LINGO2: variants seen among roughly 807,000 people sequenced by gnomAD.
The protein encoded by LINGO2 is leucine rich repeat and Ig domain containing 2.
A neutral mutation model predicts 30.6 loss-of-function variants in LINGO2; 14 were observed. The ratio of observed to expected loss-of-function variants is 0.46; its 90% confidence interval spans 0.30 to 0.72. The LOEUF (loss-of-function observed/expected upper bound fraction) is 0.72, where lower values mean the gene tolerates loss of function less well. Ranked by LOEUF, LINGO2 falls within the 30% of genes least tolerant of loss-of-function variation. LINGO2 has a pLI of 0.07. For missense variants in LINGO2, 729 were observed against 751.7 expected (o/e 0.97, Z 0.35); for synonymous variants, 317 against 288.5 (o/e 1.10, Z -1.00).
At chr9:28,002,066 A>G (rs1167280543) in intron 5 of LINGO2, among the ~76,000 whole-genome samples, 1 of 152,236 alleles carries the variant, frequency 6.6e-6, no homozygotes, top group African/African-American at 2.4e-5. Context: ...CACAAGTCAC[A>G]GCACTCAGAT....
the LINGO2 span, among the ~76,000 whole-genome samples, chr9:29,003,049 A>C: frequency 6.4e-3 from 980 of 152,140 alleles, 13 homozygotes; most frequent in African/African-American, 0.023. Flanking sequence ...CACTACGTGA[A>C]AATACGGATA....
intron 2 of LINGO2, among the ~76,000 whole-genome samples, chr9:28,379,390 A>G (rs1821253651): frequency 6.6e-6 from 1 of 152,116 alleles, no homozygotes. Context: ...CTAGGAAAGT[A>G]GAGTGGTGTG....
the LINGO2 span, among the ~76,000 whole-genome samples, chr9:29,047,792 A>G: frequency 6.6e-6 from 1 of 152,196 alleles, no homozygotes; most frequent in Non-Finnish European, 1.5e-5. Context: ...ATACAAAATC[A>G]ACATACAAAA....
chr9:28,984,875 TTTTAAA>T, the LINGO2 span, among the ~76,000 whole-genome samples: 35 of 152,088 alleles, frequency 2.3e-4, no homozygotes, highest in Non-Finnish European at 1.2e-4. Context: ...AGTGAGAACA[TTTTAAA>T]TTTATTCTCC....
chr9:28,847,799 TATA>T, the LINGO2 span, among the ~76,000 whole-genome samples: 1 of 38,298 alleles, frequency 2.6e-5, no homozygotes, highest in East Asian at 5.6e-4. Context: ...CACATATATG[TATA>T]GTATATATGT....
intron 4 of LINGO2, among the ~76,000 whole-genome samples, chr9:28,032,295 T>C (rs1278855650): frequency 6.6e-6 from 1 of 152,146 alleles, no homozygotes; most frequent in Non-Finnish European, 1.5e-5. Flanking sequence ...TGTTGCTCTA[T>C]TATGAAAGCG....
chr9:28,392,151 C>T lies in LINGO2; in HGVS notation c.-278-19283G>A, dbSNP rs1045635588. Among the ~76,000 whole-genome samples the T allele has an allele frequency of 6.6e-5, 10 of 152,248 alleles. No homozygotes were observed. The East Asian group carries it at 1.5e-3, about 24-fold the overall frequency. On this transcript the variant is annotated intron_variant, in intron 2 of 5. Transcript: ENST00000379992. ...CCAGGAGGTAGAGCTTGCAGTGAGC[C>T]GAGATTGTGCCACAGCGTTCCAGCC...
chr9:28,710,199 G>C, the LINGO2 span, among the ~76,000 whole-genome samples: 1 of 151,648 alleles, frequency 6.6e-6, no homozygotes, highest in South Asian at 2.1e-4. Flanking sequence ...AGGCCCCAAA[G>C]AGTTGCCTTG....
intron 3 of LINGO2, among the ~76,000 whole-genome samples, chr9:28,362,440 G>A (rs887750184): frequency 6.6e-6 from 1 of 151,540 alleles, no homozygotes; most frequent in African/African-American, 2.4e-5. Flanking sequence ...GAGGAACTTA[G>A]CCTAGAAGAG....
chr9:28,757,255 T>A, the LINGO2 span, among the ~76,000 whole-genome samples: 1 of 152,096 alleles, frequency 6.6e-6, no homozygotes. Context: ...TCAATTTTTA[T>A]AATACAGCCT....
intron 5 of LINGO2, among the ~76,000 whole-genome samples, chr9:27,977,090 A>C (rs189884832): frequency 9.9e-5 from 15 of 152,028 alleles, no homozygotes; most frequent in South Asian, 2.1e-4. Context: ...GTAAGATGCT[A>C]TCTCTCAATA....
the LINGO2 span, among the ~76,000 whole-genome samples, chr9:28,738,304 C>T: frequency 6.6e-6 from 1 of 151,958 alleles, no homozygotes; most frequent in Non-Finnish European, 1.5e-5. Context: ...CCACTTTTCT[C>T]CCTCTCTCTC....
At chr9:28,045,724 A>G (rs1017864167) in intron 4 of LINGO2, among the ~76,000 whole-genome samples, 2 of 151,636 alleles carry the variant, frequency 1.3e-5, no homozygotes, top group Non-Finnish European at 2.9e-5. Flanking sequence ...TAATTTTCAC[A>G]GGTACTATGC....
At chr9:29,144,118 T>C in the LINGO2 span, among the ~76,000 whole-genome samples, 1 of 152,138 alleles carries the variant, frequency 6.6e-6, no homozygotes, top group East Asian at 1.9e-4. Flanking sequence ...CTCTGTTCCA[T>C]CGGTTTATGT....
chr9:28,338,021 C>T lies in LINGO2; in HGVS notation c.-246+34815G>A, dbSNP rs1429015818. Among the ~76,000 whole-genome samples, 2 of 152,134 alleles carry T rather than the reference C, an allele frequency of 1.3e-5. 1 individual carries two copies. The highest frequency in any genetic ancestry group is 2.9e-5 in the Non-Finnish European group (2 of 68,032). ...GACCCCAGAATGGTATATCCACTGA[C>T]AGCATGTACCATGCACCTGGAAAAG... On this transcript the variant is annotated intron_variant, in intron 3 of 5. Transcript: ENST00000379992.
intron 3 of LINGO2, among the ~76,000 whole-genome samples, chr9:28,370,379 C>T (rs1397516199): frequency 6.6e-6 from 1 of 152,108 alleles, no homozygotes; most frequent in Non-Finnish European, 1.5e-5. Flanking sequence ...CAAAACCCAG[C>T]CATCTTTCTT....
At chr9:28,990,825 G>T in the LINGO2 span, among the ~76,000 whole-genome samples, 5 of 152,216 alleles carry the variant, frequency 3.3e-5, no homozygotes, top group East Asian at 9.7e-4. Context: ...CTAACAAAAA[G>T]AAAGGACATC....
the LINGO2 span, among the ~76,000 whole-genome samples, chr9:28,679,444 A>C: frequency 6.6e-6 from 1 of 152,066 alleles, no homozygotes; most frequent in Non-Finnish European, 1.5e-5. Flanking sequence ...GCTTTTCAGA[A>C]AACTATTGCT....
At chr9:28,091,400 A>G (rs1178908124) in intron 4 of LINGO2, among the ~76,000 whole-genome samples, 1 of 152,212 alleles carries the variant, frequency 6.6e-6, no homozygotes, top group Non-Finnish European at 1.5e-5. Context: ...AATACCACAC[A>G]TCTACAACCA....
Sources: gnomAD v4.1 joint callset for allele counts (sites outside exome capture counted in the v4.1 genomes callset) on GRCh38, gnomAD v4.1.1 for gene constraint, MANE v1.5 for transcripts, NCBI Gene and HGNC (gene_info 2026-07-23, HGNC 2026-07-21) for gene names.